CGGBP1: variants seen among roughly 807,000 people sequenced by gnomAD.
CGGBP1 encodes CGG triplet repeat-binding protein 1.
Under a neutral mutation model 11.4 loss-of-function variants are expected in CGGBP1, and 4 were observed. The ratio of observed to expected loss-of-function variants is 0.35; its 90% CI spans 0.17 to 0.80. The LOEUF is 0.80. CGGBP1 is among the 30% of genes least tolerant of loss of function. CGGBP1 has a pLI of 0.52. For missense variants in CGGBP1, 135 were observed against 202.1 expected, an observed-to-expected ratio of 0.67 and a Z score of 2.01; for synonymous variants, 76 against 74.1, an observed-to-expected ratio of 1.03 and a Z score of -0.13.
chr3:88,117,882 C>T (rs1705505314), intron 2 of CGGBP1, among the ~76,000 whole-genome samples: 1 of 151,556 alleles, frequency 6.6e-6, no homozygotes, highest in African/African-American at 2.4e-5. Flanking sequence ...TGTTAAGTTT[C>T]ATTCTAGACA....
At chr3:88,059,188 A>C (rs1706683074), upstream of CGGBP1, 2 of 1,434,802 alleles carry the variant, frequency 1.4e-6, no homozygotes. Flanking sequence ...AGTAGAGCCC[A>C]GCCGAGAGGC....
intron 2 of CGGBP1, chr3:88,138,596 A>T: frequency 1.7e-6 from 1 of 581,906 alleles, no homozygotes; most frequent in Non-Finnish European, 2.5e-6. Context: ...ACATTGGAAT[A>T]CTATGTTTAT....
chr3:88,112,951 A>G (rs908740158), intron 2 of CGGBP1, among the ~76,000 whole-genome samples: 10 of 152,100 alleles, frequency 6.6e-5, no homozygotes, highest in African/African-American at 2.2e-4. Flanking sequence ...CTTCTTTTAA[A>G]ATCTTACAGA....
intron 2 of CGGBP1, chr3:88,113,029 T>C: frequency 1.2e-6 from 1 of 827,416 alleles, no homozygotes; most frequent in Non-Finnish European, 1.8e-6. Context: ...CAAATATTGA[T>C]ATTAGATAGC....
At chr3:88,083,908 T>C (rs903572157) in intron 2 of CGGBP1, among the ~76,000 whole-genome samples, 1 of 149,586 alleles carries the variant, frequency 6.7e-6, no homozygotes, top group African/African-American at 2.5e-5. Context: ...GGAGAAAAAT[T>C]TCATTTTAAT....
In CGGBP1 at chr3:88,057,201, C is replaced by T. The variant is rs1203449463; in HGVS notation, c.-34G>A. On this transcript the variant is annotated 5_prime_UTR_variant, in exon 3 of 4. Coordinates refer to ENST00000482016, the MANE Select transcript of CGGBP1 (RefSeq NM_001008390.2). ...TCCATGAATACATACTAGAGAATAG[C>T]TGGGTAACATGAACTCTCTTTCAAA... The T allele has an allele frequency of 6.6e-6, 1 of 152,170 alleles. No individual in the cohort carries two copies. The highest frequency in any genetic ancestry group is 2.4e-5 in the African/African-American group (1 of 41,426). The allele number at this position is 152,170 out of a possible 1,614,324, so 9.4% of individuals were successfully genotyped here. A position where few individuals can be genotyped will look rare whatever the true frequency, so the allele number is the denominator to read the frequency against.
intron 2 of CGGBP1, among the ~76,000 whole-genome samples, chr3:88,124,163 C>T (rs973662541): frequency 2.6e-5 from 4 of 152,154 alleles, no homozygotes; most frequent in Non-Finnish European, 4.4e-5. Flanking sequence ...GTCTTTTGAG[C>T]GCTTACTAGG....
At chr3:88,142,889 TAAAAC>T (rs909667345) in intron 1 of CGGBP1, 3 of 152,314 alleles carry the variant, frequency 2.0e-5, no homozygotes, top group Admixed American at 2.0e-4. Context: ...AATAAAGTGT[TAAAAC>T]AATAAATATT....
chr3:88,111,763 A>AG (rs1414423782), intron 2 of CGGBP1, among the ~76,000 whole-genome samples: 1 of 152,010 alleles, frequency 6.6e-6, no homozygotes, highest in Non-Finnish European at 1.5e-5. Flanking sequence ...TGATGAGTAT[A>AG]GGAACATTTA....
At chr3:88,117,866 G>C (rs1705504322) in intron 2 of CGGBP1, among the ~76,000 whole-genome samples, 1 of 151,768 alleles carries the variant, frequency 6.6e-6, no homozygotes, top group Non-Finnish European at 1.5e-5. Context: ...GCAGCATAGA[G>C]AAAGTTGTTA....
chr3:88,065,152 A>G (rs908850639), intron 2 of CGGBP1, among the ~76,000 whole-genome samples: 2 of 152,236 alleles, frequency 1.3e-5, no homozygotes, highest in African/African-American at 4.8e-5. Context: ...CACATTTGGG[A>G]TATTTCAAGT....
chr3:88,141,599 C>T (rs1403872637), intron 1 of CGGBP1: 16 of 1,396,568 alleles, frequency 1.1e-5, no homozygotes, highest in Non-Finnish European at 1.4e-5. Flanking sequence ...GAATTCCGGT[C>T]GAATGTCAAT....
intron 2 of CGGBP1, among the ~76,000 whole-genome samples, chr3:88,075,186 T>A (rs1383174060): frequency 6.6e-6 from 1 of 152,242 alleles, no homozygotes; most frequent in Non-Finnish European, 1.5e-5. Flanking sequence ...TGTGCTGAAC[T>A]AAGTGTGGAA....
chr3:88,124,455 A>G (rs1316789651), intron 2 of CGGBP1, among the ~76,000 whole-genome samples: 1 of 152,210 alleles, frequency 6.6e-6, no homozygotes, highest in Non-Finnish European at 1.5e-5. Flanking sequence ...GGTTTCTTCT[A>G]CTACTTTCTT....
chr3:88,080,079 A>T (rs1708003738), intron 2 of CGGBP1, among the ~76,000 whole-genome samples: 1 of 152,062 alleles, frequency 6.6e-6, no homozygotes, highest in South Asian at 2.1e-4. Context: ...GAGAATTGTA[A>T]AAACAGTGAA....
chr3:88,112,850 A>G (rs1307216666), intron 2 of CGGBP1, among the ~76,000 whole-genome samples: 1 of 152,034 alleles, frequency 6.6e-6, no homozygotes, highest in East Asian at 1.9e-4. Flanking sequence ...ATTGTATTGC[A>G]TTGTGGTCAT....
intron 2 of CGGBP1, among the ~76,000 whole-genome samples, chr3:88,066,438 G>T (rs1227082023): frequency 2.0e-5 from 3 of 152,104 alleles, no homozygotes; most frequent in Non-Finnish European, 2.9e-5. Flanking sequence ...GCTGGGTGTG[G>T]TGGCACACAC....
chr3:88,054,610 A>G lies in CGGBP1; in HGVS notation c.*863T>C, dbSNP rs1454752348. 1 of 152,496 alleles carries G rather than the reference A, an allele frequency of 6.6e-6. No individual in the cohort carries two copies. 9.4% of individuals were successfully genotyped at this position (152,496 alleles called of 1,614,324 possible). A position where few individuals can be genotyped will look rare whatever the true frequency, so the allele number is the denominator to read the frequency against. ...ATCTGTCAGCCAAAAAAAAATTACTAATTCTCTATAATAAAGAGAAAACTC... is the reference window on the plus strand; with the variant it reads ...ATCTGTCAGCCAAAAAAAAATTACTGATTCTCTATAATAAAGAGAAAACTC... On this transcript the variant is annotated 3_prime_UTR_variant, in exon 4 of 4. Transcript: ENST00000482016.
At chr3:88,140,735 A>C in intron 2 of CGGBP1, 1 of 1,613,768 alleles carries the variant, frequency 6.2e-7, no homozygotes, top group Non-Finnish European at 8.5e-7. Flanking sequence ...ACACCTTGCC[A>C]GTATCTCAGG....
Sources: allele counts gnomAD v4.1 joint callset (sites outside exome capture counted in the v4.1 genomes callset), GRCh38; gene constraint gnomAD v4.1.1; transcripts MANE v1.5; gene names NCBI Gene and HGNC (gene_info 2026-07-23, HGNC 2026-07-21).